ANK3: variants seen among roughly 807,000 people sequenced by gnomAD.
The protein encoded by ANK3 is ankyrin 3.
A neutral mutation model predicts 370.9 loss-of-function variants in ANK3; 57 were observed. The observed-to-expected ratio is 0.15, with a 90% CI of 0.12 to 0.19. ANK3 has a LOEUF of 0.19. Ranked by LOEUF, ANK3 falls within the 10% of genes least tolerant of loss-of-function variation. The probability of loss-of-function intolerance (pLI) is 1.00; values close to 1 mark genes in which losing one functional copy is unlikely to be tolerated. For synonymous variants in ANK3, 1,929 were observed against 1,946.3 expected (o/e 0.99, Z 0.23); for missense variants, 4,439 against 5,302.1 (o/e 0.84, Z 5.06).
rs113566024 is a variant in ANK3, at chr10:60,347,056, T to G, written c.114+42369A>C. On this transcript the variant is annotated intron_variant, in intron 1 of 43. Transcript: ENST00000280772. ...TACTGCATTAGCAAGAAATATATGA[T>G]ATATATATATATATATATTGCATTA... Among the ~76,000 whole-genome samples, 54 of 9,442 alleles carry G rather than the reference T, an allele frequency of 5.7e-3. No homozygotes were observed. The South Asian group carries it at 0.2, about 34-fold the overall frequency. The allele number at this position is 9,442 out of a possible 152,430, so 6.2% of individuals were successfully genotyped here.
rs144097832 is a variant in ANK3 at position 60,534,433 on chromosome 10, C to T, written c.96+80753G>A. On this transcript the variant is annotated intron_variant, in intron 2 of 43. Coordinates refer to the ANK3 transcript ENST00000373827. ...CTGTGAAGGTCAAGAGTCAACTACACGGTAAAAGATAAATGGGTGTTCTAA... is the reference window on the plus strand; with the variant it reads ...CTGTGAAGGTCAAGAGTCAACTACATGGTAAAAGATAAATGGGTGTTCTAA... Among the ~76,000 whole-genome samples the T allele has an allele frequency of 3.3e-3, 508 of 152,138 alleles. 3 individuals are homozygous for T. Among genetic ancestry groups the T allele is most frequent in the African/African-American group, 0.012 (490 of 41,498 alleles).
intron 1 of ANK3, among the ~76,000 whole-genome samples, chr10:60,321,193 C>G: frequency 6.6e-6 from 1 of 151,906 alleles, no homozygotes; most frequent in East Asian, 1.9e-4. Flanking sequence ...AGTTTGAGAC[C>G]AGCCTGGCAG....
intron 1 of ANK3, among the ~76,000 whole-genome samples, chr10:60,636,155 A>G (rs2078551942): frequency 6.6e-6 from 1 of 152,222 alleles, no homozygotes; most frequent in Non-Finnish European, 1.5e-5. Context: ...ATTACATAAT[A>G]TAGCTAAATG....
chr10:60,605,665 A>G (rs1308304724), intron 2 of ANK3, among the ~76,000 whole-genome samples: 4 of 152,296 alleles, frequency 2.6e-5, no homozygotes, highest in African/African-American at 9.6e-5. Flanking sequence ...CTCTTAAAGG[A>G]GTTGAGTCAA....
In ANK3 at chr10:60,134,365, G is replaced by A. The variant is rs750432488; in HGVS notation, c.2747C>T (p.Ser916Phe). The change falls in exon 25 of 44, where the codon TCC becomes TTC. Residue 916 changes from serine to phenylalanine, a missense_variant. Ser to Phe is a radical substitution (Grantham distance 155). This residue lies in a region of ANK3 where 702 missense variants were observed against 941.5 expected (regional missense o/e 0.75). Coordinates refer to ENST00000280772, the MANE Select transcript of ANK3 (RefSeq NM_020987.5). ...GGTGTAAGACCTATCCGAACTGAAGGAGCGGAGGCTGTTGTATTTACAGTT... is the reference window on the plus strand; with the variant it reads ...GGTGTAAGACCTATCCGAACTGAAGAAGCGGAGGCTGTTGTATTTACAGTT... Reference protein sequence around the residue: ...SLGARSASLRSFSSDRSYTLN... With the variant: ...SLGARSASLRFFSSDRSYTLN... 11 of 1,612,682 alleles carry A rather than the reference G, an allele frequency of 6.8e-6. No individual in the cohort carries two copies. The highest frequency in any genetic ancestry group is 1.7e-5 in the Admixed American group (1 of 59,772).
intron 7 of ANK3, among the ~76,000 whole-genome samples, chr10:60,249,739 C>T (rs1377226464): frequency 6.6e-6 from 1 of 152,190 alleles, no homozygotes; most frequent in Non-Finnish European, 1.5e-5. Flanking sequence ...CTTCTAGGTG[C>T]CATGAAGACC....
chr10:60,046,969 G>A (rs986278451), intron 42 of ANK3, among the ~76,000 whole-genome samples: 3 of 151,980 alleles, frequency 2.0e-5, no homozygotes, highest in Non-Finnish European at 4.4e-5. Context: ...ACCATGCCTG[G>A]CTAATTTTTT....
intron 2 of ANK3, among the ~76,000 whole-genome samples, chr10:60,441,006 A>T (rs1209979503): frequency 6.6e-6 from 1 of 152,190 alleles, no homozygotes; most frequent in Non-Finnish European, 1.5e-5. Context: ...ACAGATCTGA[A>T]CTGGCAATGC....
At chr10:60,395,516 C>G (rs764818968) in intron 2 of ANK3, among the ~76,000 whole-genome samples, 1 of 151,652 alleles carries the variant, frequency 6.6e-6, no homozygotes, top group Non-Finnish European at 1.5e-5. Context: ...TTTCATCAAA[C>G]AAGCAGAGAA....
At chr10:60,479,975 A>G (rs890393563) in intron 2 of ANK3, among the ~76,000 whole-genome samples, 4 of 152,206 alleles carry the variant, frequency 2.6e-5, no homozygotes, top group Non-Finnish European at 5.9e-5. Context: ...TACAGTAACT[A>G]TTCAGTACAT....
At chr10:60,185,590 T>C (rs1454054716) in intron 17 of ANK3, among the ~76,000 whole-genome samples, 3 of 152,158 alleles carry the variant, frequency 2.0e-5, no homozygotes, top group Non-Finnish European at 4.4e-5. Context: ...CTATTGCTAT[T>C]TTGCAACCCT....
At chr10:60,583,444 T>C (rs1444272517) in intron 2 of ANK3, among the ~76,000 whole-genome samples, 1 of 151,832 alleles carries the variant, frequency 6.6e-6, no homozygotes, top group Non-Finnish European at 1.5e-5. Flanking sequence ...GTTTATTGCA[T>C]AGCAGGATGA....
At chr10:60,667,822 T>C (rs993370827) in intron 1 of ANK3, among the ~76,000 whole-genome samples, 2 of 151,540 alleles carry the variant, frequency 1.3e-5, no homozygotes, top group Non-Finnish European at 2.9e-5. Context: ...CAGTGTCCCT[T>C]ATTCTGGAAT....
At chr10:60,281,302 T>C (rs2098158824) in intron 1 of ANK3, among the ~76,000 whole-genome samples, 1 of 152,210 alleles carries the variant, frequency 6.6e-6, no homozygotes, top group South Asian at 2.1e-4. Context: ...TGTAGGGGAC[T>C]GTCCTGCTCA....
At position 60,318,199 on chromosome 10, in the gene ANK3, C is replaced by T. The variant is rs540410905; in HGVS notation, c.115-38560G>A. Among the ~76,000 whole-genome samples, 198 of 152,238 alleles carry T rather than the reference C, an allele frequency of 1.3e-3. 1 individual carries two copies. The highest frequency in any genetic ancestry group is 4.3e-3 in the African/African-American group (180 of 41,544). Reference sequence around the variant, plus strand: ...TGGTTTGCTGCACTTATCAACCCATCACCTAGTTATTAAGCCTGGCATGCA... The same window carrying T: ...TGGTTTGCTGCACTTATCAACCCATTACCTAGTTATTAAGCCTGGCATGCA... On this transcript the variant is annotated intron_variant, in intron 1 of 43. Coordinates refer to ENST00000280772, the MANE Select transcript of ANK3 (RefSeq NM_020987.5).
intron 24 of ANK3, among the ~76,000 whole-genome samples, chr10:60,136,451 A>T (rs1301539114): frequency 6.6e-6 from 1 of 151,836 alleles, no homozygotes; most frequent in Non-Finnish European, 1.5e-5. Context: ...TGCATTAGAC[A>T]TTCATTTCTT....
chr10:60,319,038 G>T (rs1009791843), intron 1 of ANK3, among the ~76,000 whole-genome samples: 1 of 152,186 alleles, frequency 6.6e-6, no homozygotes, highest in Non-Finnish European at 1.5e-5. Flanking sequence ...ACTTGGTAAT[G>T]AGGACTTGCA....
intron 7 of ANK3, among the ~76,000 whole-genome samples, chr10:60,246,184 A>G (rs2097548596): frequency 6.8e-6 from 1 of 146,770 alleles, no homozygotes; most frequent in Admixed American, 7.0e-5. Context: ...TGACCCTGGG[A>G]AGCGGAGCTT....
intron 1 of ANK3, among the ~76,000 whole-genome samples, chr10:60,627,312 T>C (rs1311103888): frequency 6.6e-6 from 1 of 151,888 alleles, no homozygotes; most frequent in African/African-American, 2.4e-5. Flanking sequence ...CAGTATTGAC[T>C]CAAGATCTAT....
Sources: allele counts gnomAD v4.1 joint callset (sites outside exome capture counted in the v4.1 genomes callset), GRCh38; gene constraint gnomAD v4.1.1; regional missense constraint gnomAD v4.1.1; transcripts MANE v1.5; gene names NCBI Gene and HGNC (gene_info 2026-07-23, HGNC 2026-07-21).